The following RYR1 variants were observed in gnomAD, a reference collection of about 807,000 sequenced individuals.
The protein encoded by RYR1 is ryanodine receptor 1.
A neutral mutation model predicts 583.5 loss-of-function variants in RYR1; 342 were observed. The observed-to-expected ratio is 0.59, with a 90% CI of 0.54 to 0.64. RYR1 has a LOEUF of 0.64. Ranked by LOEUF, RYR1 falls within the 30% of genes least tolerant of loss-of-function variation. The probability of loss-of-function intolerance (pLI) is 0.00; values close to 1 mark genes in which losing one functional copy is unlikely to be tolerated. For synonymous variants in RYR1, 2,791 were observed against 2,822.5 expected, an observed-to-expected ratio of 0.99 and a Z score of 0.35; for missense variants, 6,032 against 6,917.2, an observed-to-expected ratio of 0.87 and a Z score of 4.54.
In RYR1 at chr19:38,535,820, G is replaced by A; in HGVS notation, c.11517-177G>A. ...TTCAGCTTGCGCATGGTTCATCCTG[G>A]CCCAACCATATGTCCTAGCTTCTGC... On this transcript the variant is annotated intron_variant, in intron 81 of 105. Transcript: ENST00000359596. 4 of 705,538 alleles carry A rather than the reference G, an allele frequency of 5.7e-6. No individual in the cohort carries two copies. In the Admixed American group the frequency reaches 6.1e-5, roughly 11 times the overall value. 43.7% of individuals were successfully genotyped at this position (705,538 alleles called of 1,614,324 possible). A position where few individuals can be genotyped will look rare whatever the true frequency, so the allele number is the denominator to read the frequency against.
intron 34 of RYR1, among the ~76,000 whole-genome samples, chr19:38,488,906 G>A (rs1395720071): frequency 6.6e-6 from 1 of 152,248 alleles, no homozygotes; most frequent in African/African-American, 2.4e-5. Context: ...TTAGGCTTGG[G>A]AGAAAGGACA....
At chr19:38,467,543 A>C (rs1280629530) in intron 24 of RYR1, 67 bp from the exon 25 acceptor site, 16 of 1,551,274 alleles carry the variant, frequency 1.0e-5, no homozygotes, top group Non-Finnish European at 1.4e-5. Flanking sequence ...GTCTTCTACC[A>C]ACTTCTCGAT....
intron 102 of RYR1, 117 bp from the exon 103 acceptor site, chr19:38,585,821 A>T: frequency 8.3e-7 from 1 of 1,211,174 alleles, no homozygotes; most frequent in Non-Finnish European, 1.2e-6. Flanking sequence ...AAGCGAGATT[A>T]GGGGTGAGAT....
intron 22 of RYR1, 71 bp from the exon 23 acceptor site, chr19:38,464,568 A>G: frequency 4.5e-6 from 6 of 1,332,544 alleles, no homozygotes; most frequent in Non-Finnish European, 5.3e-6. Context: ...GGAGACCCTG[A>G]GGCCGTGGGA....
At chr19:38,504,700 G>A in intron 50 of RYR1, 48 bp from the exon 51 acceptor site, 1 of 1,602,006 alleles carries the variant, frequency 6.2e-7, no homozygotes. Flanking sequence ...CTGGGGGTCA[G>A]TAAGGCTTAT....
chr19:38,458,180 G>C lies in RYR1; in HGVS notation c.2055G>C (p.Trp685Cys), dbSNP rs1381887111. ...AGGCCACCCACTTGCGGGTGGGCTG[G>C]GCCCTCACCGAGGGCTACACCCCCT... ...TAQATHLRVG[W>C]ALTEGYTPYP... The change falls in exon 18 of 106, where the codon TGG becomes TGC. Residue 685 changes from tryptophan to cysteine, a missense_variant. By Grantham distance (215) the Trp-to-Cys change is radical. Coordinates refer to ENST00000359596, the MANE Select transcript of RYR1 (RefSeq NM_000540.3). 2.5e-6 allele frequency: 4 copies of C among 1,613,632 alleles called. No homozygotes were observed. The highest frequency in any genetic ancestry group is 1.3e-5 in the African/African-American group (1 of 74,870).
chr19:38,537,645 C>T (rs1428138677), intron 83 of RYR1, among the ~76,000 whole-genome samples: 2 of 152,218 alleles, frequency 1.3e-5, no homozygotes, highest in African/African-American at 2.4e-5. Flanking sequence ...GCCCCAGCTT[C>T]ATGACTCAGG....
intron 38 of RYR1, among the ~76,000 whole-genome samples, chr19:38,493,660 C>T (rs531237638): frequency 6.6e-6 from 1 of 152,084 alleles, no homozygotes; most frequent in Admixed American, 6.6e-5. Context: ...GCTGGGACTA[C>T]AGGCGCGCAG....
At chr19:38,475,567 A>G in intron 29 of RYR1, 117 bp downstream of exon 29, 2 of 1,238,130 alleles carry the variant, frequency 1.6e-6, no homozygotes, top group Admixed American at 1.9e-5. Context: ...GGGACTCCCC[A>G]ATATACACTA....
chr19:38,494,452 C>A lies in RYR1; in HGVS notation c.6375C>A (p.His2125Gln), dbSNP rs768273866. The change falls in exon 39 of 106, where the codon CAC (histidine) becomes CAA (glutamine). Residue 2125 changes from histidine (H) to glutamine (Q), a missense_variant. Transcript: ENST00000359596. ...TGCGGGCCATGTTCAGCCTCCTGCA[C>A]CGGCAGTACGACGGGCTGGGTGAGC... Reference protein sequence around the residue: ...ELVRAMFSLLHRQYDGLGELL... With the variant: ...ELVRAMFSLLQRQYDGLGELL... 3.1e-6 allele frequency: 5 copies of A among 1,612,728 alleles called. No homozygotes were observed. In the Admixed American group the frequency reaches 5.0e-5, roughly 16 times the overall value.
intron 90 of RYR1, among the ~76,000 whole-genome samples, chr19:38,563,549 G>C (rs529313356): frequency 6.6e-6 from 1 of 152,208 alleles, no homozygotes; most frequent in Non-Finnish European, 1.5e-5. Flanking sequence ...ACAGGTGTGC[G>C]CCACCGTGGC....
intron 79 of RYR1, 127 bp downstream of exon 79, chr19:38,534,946 G>A: frequency 2.6e-6 from 3 of 1,143,002 alleles, no homozygotes; most frequent in Non-Finnish European, 3.8e-6. Flanking sequence ...GCACACCCCA[G>A]CCCTTGCAGC....
intron 31 of RYR1, among the ~76,000 whole-genome samples, chr19:38,478,877 C>T (rs1473453944): frequency 6.6e-6 from 1 of 152,182 alleles, no homozygotes; most frequent in Non-Finnish European, 1.5e-5. Flanking sequence ...GAGGGATTCT[C>T]CTGCCTCAGC....
At chr19:38,570,885 G>A (rs1372380821) in intron 94 of RYR1, among the ~76,000 whole-genome samples, 192 bp downstream of exon 94, 1 of 152,242 alleles carries the variant, frequency 6.6e-6, no homozygotes, top group Non-Finnish European at 1.5e-5. Context: ...GGGATATCTG[G>A]ATCCATCTGG....
Position 38,538,997 on chromosome 19 carries a change from G to C in RYR1, c.11689+1037G>C, listed in dbSNP as rs187091660. On this transcript the variant is annotated intron_variant, in intron 84 of 105. Transcript: ENST00000359596. ...TGATTAGGAAACCACAGACTACCCGGAAATCAACTTTCGTGACAAGAATTG... is the reference window on the plus strand; with the variant it reads ...TGATTAGGAAACCACAGACTACCCGCAAATCAACTTTCGTGACAAGAATTG... 1.1e-4 allele frequency among the ~76,000 whole-genome samples: 16 copies of C among 152,258 alleles called. 1 individual carries two copies. The highest frequency in any genetic ancestry group is 3.9e-4 in the African/African-American group (16 of 41,548).
intron 12 of RYR1, among the ~76,000 whole-genome samples, chr19:38,452,208 G>A (rs545300830): frequency 2.7e-5 from 4 of 150,900 alleles, no homozygotes; most frequent in Non-Finnish European, 5.9e-5. Flanking sequence ...AGGCTGAGGC[G>A]GGCAGATCGC....
rs540356810 is a variant in RYR1, at chr19:38,506,090, G to C, written c.8541+144G>C. The C allele has an allele frequency of 1.9e-4, 229 of 1,220,156 alleles. No homozygotes were observed. In the African/African-American group the frequency reaches 3.2e-3, roughly 17 times the overall value. The allele number at this position is 1,220,156 out of a possible 1,614,324, so 75.6% of individuals were successfully genotyped here. The stretch of plus-strand genomic sequence containing the variant: ...AGAGGGGTGCAGAAACCTGAGATCT[G>C]GGAAAGGAGAGGGCAGGGGTCTGAA... On this transcript the variant is annotated intron_variant, in intron 54 of 105. Coordinates refer to ENST00000359596, the MANE Select transcript of RYR1 (RefSeq NM_000540.3).
intron 89 of RYR1, among the ~76,000 whole-genome samples, chr19:38,552,736 A>C (rs1972718269): frequency 1.3e-5 from 2 of 152,158 alleles, no homozygotes; most frequent in Admixed American, 1.3e-4. Context: ...GTCAGTGAGC[A>C]CTTCCTGGGG....
At chr19:38,572,510 G>A (rs1011078055) in intron 95 of RYR1, among the ~76,000 whole-genome samples, 2 of 152,250 alleles carry the variant, frequency 1.3e-5, no homozygotes, top group East Asian at 3.9e-4. Context: ...TGAGGAACCA[G>A]GTTCTGGACC....
Sources: allele counts gnomAD v4.1 joint callset (sites outside exome capture counted in the v4.1 genomes callset), GRCh38; gene constraint gnomAD v4.1.1; transcripts MANE v1.5; gene names NCBI Gene and HGNC (gene_info 2026-07-23, HGNC 2026-07-21).